The following SH3KBP1 variants were observed in gnomAD, a reference collection of about 807,000 sequenced individuals.
The protein encoded by SH3KBP1 is SH3 domain containing kinase binding protein 1, also known as SH3 domain-containing kinase-binding protein 1.
A neutral mutation model predicts 50.1 loss-of-function variants in SH3KBP1; 8 were observed. The ratio of observed to expected loss-of-function variants is 0.16; its 90% confidence interval spans 0.09 to 0.29. SH3KBP1 has a LOEUF of 0.29. Ranked by LOEUF, SH3KBP1 falls within the 10% of genes least tolerant of loss-of-function variation. The probability of loss-of-function intolerance (pLI) is 1.00; values close to 1 mark genes in which losing one functional copy is unlikely to be tolerated. For missense variants in SH3KBP1, 377 were observed against 535.2 expected (o/e 0.70, Z 2.92); for synonymous variants, 227 against 218.6 (o/e 1.04, Z -0.34).
rs186460143 is a variant in SH3KBP1 at position 19,811,648 on chromosome X, T to C, written c.162+24477A>G. 7.1e-5 allele frequency among the ~76,000 whole-genome samples: 8 copies of C among 112,358 alleles called. No homozygotes were observed. The East Asian group carries it at 1.9e-3, about 27-fold the overall frequency. On this transcript the variant is annotated intron_variant, in intron 2 of 17. Coordinates refer to ENST00000397821, the MANE Select transcript of SH3KBP1 (RefSeq NM_031892.3). ...ACATGGTTTTAATGTTAATTTACTT[T>C]TTCTTCCATGATACGCAAAAACAGT...
intron 12 of SH3KBP1, among the ~76,000 whole-genome samples, chrX:19,584,810 G>C (rs2066509210): frequency 8.9e-6 from 1 of 112,165 alleles, no homozygotes; most frequent in African/African-American, 3.2e-5. Context: ...AGCAGCGTGA[G>C]CCCGGACGCT....
chrX:19,730,868 A>AAG (rs1279708219), intron 3 of SH3KBP1, among the ~76,000 whole-genome samples: 1 of 112,231 alleles, frequency 8.9e-6, no homozygotes, highest in African/African-American at 3.2e-5. Flanking sequence ...ACAAAAAGGG[A>AAG]AGAGTACACA....
At chrX:19,815,352 C>T (rs767502773) in intron 2 of SH3KBP1, among the ~76,000 whole-genome samples, 1 of 110,951 alleles carries the variant, frequency 9.0e-6, no homozygotes, top group Non-Finnish European at 1.9e-5. Flanking sequence ...CAAGAACTTA[C>T]AAAAACGGTG....
chrX:19,765,874 G>A (rs114503549), intron 2 of SH3KBP1, among the ~76,000 whole-genome samples: 3,722 of 111,669 alleles, frequency 0.033, 164 homozygotes, highest in African/African-American at 0.12. Flanking sequence ...CCGCATTGTA[G>A]CATGTGTCAG....
At chrX:19,834,765 C>G (rs987563433) in intron 2 of SH3KBP1, among the ~76,000 whole-genome samples, 1 of 111,544 alleles carries the variant, frequency 9.0e-6, no homozygotes, top group African/African-American at 3.3e-5. Flanking sequence ...CATGGTGGCT[C>G]ACACCTGTAA....
At chrX:19,781,307 T>G (rs1415522623) in intron 2 of SH3KBP1, among the ~76,000 whole-genome samples, 1 of 111,321 alleles carries the variant, frequency 9.0e-6, no homozygotes, top group Admixed American at 9.7e-5. Context: ...CAATCAGAAA[T>G]GTTTTCTTAA....
At chrX:19,771,351 A>C (rs1258990775) in intron 2 of SH3KBP1, among the ~76,000 whole-genome samples, 1 of 111,489 alleles carries the variant, frequency 9.0e-6, no homozygotes, top group Non-Finnish European at 1.9e-5. Flanking sequence ...TTGGCTACTG[A>C]GTGTGACCAG....
At chrX:19,764,789 A>C (rs778402905) in intron 2 of SH3KBP1, among the ~76,000 whole-genome samples, 16 of 106,888 alleles carry the variant, frequency 1.5e-4, no homozygotes, top group African/African-American at 5.1e-4. Flanking sequence ...TGGAACTCTG[A>C]GTGGAGTGGA....
At chrX:19,540,449 T>C (rs1488586587) in intron 16 of SH3KBP1, among the ~76,000 whole-genome samples, 2 of 111,752 alleles carry the variant, frequency 1.8e-5, no homozygotes, top group Non-Finnish European at 3.8e-5. Flanking sequence ...ACCTTGCATA[T>C]GCTATCCTCT....
At chrX:19,760,032 CT>C (rs1286294815) in intron 2 of SH3KBP1, among the ~76,000 whole-genome samples, 15 of 65,438 alleles carry the variant, frequency 2.3e-4, no homozygotes, top group African/African-American at 1.1e-3. Context: ...TCCTCTCTCT[CT>C]CTCTCTCCCT....
chrX:19,855,391 G>A (rs1930694108), intron 1 of SH3KBP1, among the ~76,000 whole-genome samples: 1 of 112,409 alleles, frequency 8.9e-6, no homozygotes, highest in Admixed American at 9.4e-5. Context: ...AGCAGCCACA[G>A]ACAACAAACA....
At chrX:19,633,866 C>T (rs182438409) in intron 7 of SH3KBP1, among the ~76,000 whole-genome samples, 4 of 111,684 alleles carry the variant, frequency 3.6e-5, no homozygotes, top group Middle Eastern at 4.6e-3. Context: ...ATGGAACCCT[C>T]TCACAGCCCT....
intron 11 of SH3KBP1, among the ~76,000 whole-genome samples, chrX:19,589,926 C>A (rs1217081700): frequency 9.1e-6 from 1 of 109,799 alleles, no homozygotes; most frequent in African/African-American, 3.3e-5. Flanking sequence ...TCAAGACCAG[C>A]CTGGGCAACA....
At chrX:19,614,247 C>T (rs1384127520) in intron 8 of SH3KBP1, among the ~76,000 whole-genome samples, 1 of 112,709 alleles carries the variant, frequency 8.9e-6, no homozygotes, top group African/African-American at 3.2e-5. Context: ...AGCATGGCCC[C>T]GTGTAACCTG....
At chrX:19,845,352 C>T (rs1162543941) in intron 1 of SH3KBP1, among the ~76,000 whole-genome samples, 1 of 107,454 alleles carries the variant, frequency 9.3e-6, no homozygotes, top group Non-Finnish European at 1.9e-5. Flanking sequence ...GTGGTGGGCA[C>T]CTGTAGTCCC....
At chrX:19,707,395 G>C in intron 3 of SH3KBP1, among the ~76,000 whole-genome samples, 1 of 112,000 alleles carries the variant, frequency 8.9e-6, no homozygotes, top group Non-Finnish European at 1.9e-5. Context: ...AGGCAGAGGG[G>C]ATTTTTCTAA....
intron 6 of SH3KBP1, among the ~76,000 whole-genome samples, chrX:19,661,630 T>TTG (rs1264988887): frequency 3.5e-4 from 36 of 104,006 alleles, no homozygotes; most frequent in African/African-American, 1.3e-3. Flanking sequence ...AAAGGTTGTT[T>TTG]TTTTTTTTTT....
At chrX:19,707,063 A>G in intron 3 of SH3KBP1, 79 bp from the exon 4 acceptor site, 4 of 832,817 alleles carry the variant, frequency 4.8e-6, no homozygotes, top group Non-Finnish European at 7.3e-6. Flanking sequence ...CTAGGCATGC[A>G]GGCAAATTAA....
intron 7 of SH3KBP1, among the ~76,000 whole-genome samples, chrX:19,644,977 C>A (rs1461446544): frequency 9.0e-6 from 1 of 111,334 alleles, no homozygotes; most frequent in East Asian, 2.8e-4. Flanking sequence ...GTTGAAGATA[C>A]CAGTGGGAAG....
Sources: gnomAD v4.1 joint callset for allele counts (sites outside exome capture counted in the v4.1 genomes callset) on GRCh38, gnomAD v4.1.1 for gene constraint, MANE v1.5 for transcripts, NCBI Gene and HGNC (gene_info 2026-07-23, HGNC 2026-07-21) for gene names.